The following MAGI2 variants were observed in gnomAD, a reference collection of about 807,000 sequenced individuals.
The protein encoded by MAGI2 is membrane-associated guanylate kinase, WW and PDZ domain-containing protein 2.
A neutral mutation model predicts 133.3 loss-of-function variants in MAGI2; 35 were observed. That is an observed-to-expected ratio of 0.26 (90% CI 0.20 to 0.35). The LOEUF is 0.35. Ranked by LOEUF, MAGI2 falls within the 10% of genes least tolerant of loss-of-function variation. The pLI is 1.00. For synonymous variants in MAGI2, 729 were observed against 710.6 expected, an observed-to-expected ratio of 1.03 and a Z score of -0.41; for missense variants, 1,636 against 1,863.4, an observed-to-expected ratio of 0.88 and a Z score of 2.25.
intron 2 of MAGI2, among the ~76,000 whole-genome samples, chr7:78,914,778 T>C (rs963374465): frequency 1.3e-5 from 2 of 152,092 alleles, no homozygotes; most frequent in Non-Finnish European, 2.9e-5. Context: ...AGTGTCTCAG[T>C]ATGGCAAAAA....
chr7:78,667,524 A>T (rs1412789930), intron 2 of MAGI2, among the ~76,000 whole-genome samples: 1 of 151,204 alleles, frequency 6.6e-6, no homozygotes, highest in Non-Finnish European at 1.5e-5. Flanking sequence ...ATATCTCCTA[A>T]TGCTATCCCT....
intron 1 of MAGI2, among the ~76,000 whole-genome samples, chr7:79,138,829 C>A (rs186093461): frequency 6.6e-6 from 1 of 152,078 alleles, no homozygotes; most frequent in African/African-American, 2.4e-5. Flanking sequence ...CATGGTGAAA[C>A]CCTGTCTCTA....
At chr7:78,567,068 CAT>C (rs761713732) in intron 3 of MAGI2, among the ~76,000 whole-genome samples, 21 of 152,152 alleles carry the variant, frequency 1.4e-4, no homozygotes, top group African/African-American at 4.1e-4. Context: ...TGAGAAAACA[CAT>C]AGTTTACAAA....
At chr7:78,784,674 A>T (rs1484680300) in intron 2 of MAGI2, among the ~76,000 whole-genome samples, 1 of 152,236 alleles carries the variant, frequency 6.6e-6, no homozygotes, top group Non-Finnish European at 1.5e-5. Flanking sequence ...TATTAGCGTT[A>T]GATCATACTC....
At chr7:78,567,822 T>G (rs913980933) in intron 3 of MAGI2, 1 of 152,256 alleles carries the variant, frequency 6.6e-6, no homozygotes, top group Non-Finnish European at 1.5e-5. Context: ...CTCTGCTTCC[T>G]CTATGGTAAA....
At chr7:78,988,947 C>T (rs1805511348) in intron 2 of MAGI2, among the ~76,000 whole-genome samples, 2 of 152,040 alleles carry the variant, frequency 1.3e-5, no homozygotes, top group South Asian at 4.1e-4. Flanking sequence ...CAACAACCCA[C>T]TTTCAAGATG....
intron 2 of MAGI2, among the ~76,000 whole-genome samples, chr7:78,712,843 A>C (rs1251216284): frequency 1.3e-5 from 2 of 152,174 alleles, no homozygotes; most frequent in Non-Finnish European, 2.9e-5. Flanking sequence ...CGAAGAATTT[A>C]AATCTTCCAT....
At chr7:79,162,879 G>A (rs1259072980) in intron 1 of MAGI2, among the ~76,000 whole-genome samples, 2 of 151,880 alleles carry the variant, frequency 1.3e-5, no homozygotes, top group East Asian at 1.9e-4. Flanking sequence ...TTTGACTTTT[G>A]GTTTTGTTCA....
chr7:79,149,382 A>T (rs1319002604), intron 1 of MAGI2, among the ~76,000 whole-genome samples: 2 of 151,644 alleles, frequency 1.3e-5, no homozygotes, highest in Non-Finnish European at 2.9e-5. Flanking sequence ...CTCTCATAAC[A>T]TGATTTTGGA....
At chr7:78,416,701 T>A (rs761799158) in intron 6 of MAGI2, among the ~76,000 whole-genome samples, 17 of 152,140 alleles carry the variant, frequency 1.1e-4, no homozygotes, top group Admixed American at 1.0e-3. Flanking sequence ...TGGGAAGTGA[T>A]TAAGTCATAA....
rs575441664 is a variant in MAGI2 at position 78,368,468 on chromosome 7, G to A, written c.1103+688C>T. On this transcript the variant is annotated intron_variant, in intron 7 of 21. Transcript: ENST00000354212. Reference sequence around the variant, plus strand: ...TTTAGGAACATTATACGATAGATAAGAATGAAAAACAATCGTCTGTTTGGA... The same window carrying A: ...TTTAGGAACATTATACGATAGATAAAAATGAAAAACAATCGTCTGTTTGGA... Among the ~76,000 whole-genome samples the A allele has an allele frequency of 4.6e-5, 7 of 152,192 alleles. No homozygotes were observed. In the East Asian group the frequency reaches 1.4e-3, roughly 29 times the overall value.
rs188561330 is a variant in MAGI2 at position 78,923,622 on chromosome 7, T to C, written c.418+83468A>G. 4.1e-4 allele frequency among the ~76,000 whole-genome samples: 62 copies of C among 152,286 alleles called. 1 individual carries two copies. The East Asian group carries it at 9.5e-3, about 23-fold the overall frequency. Reference sequence around the variant, plus strand: ...CCTTGTAGTATAGTTTGAAGTCAGGTAGCGTGATGCCTCTGGCTTTGTTCT... The same window carrying C: ...CCTTGTAGTATAGTTTGAAGTCAGGCAGCGTGATGCCTCTGGCTTTGTTCT... On this transcript the variant is annotated intron_variant, in intron 2 of 21. Coordinates refer to ENST00000354212, the MANE Select transcript of MAGI2 (RefSeq NM_012301.4).
At position 79,140,892 on chromosome 7, in the gene MAGI2, T is replaced by A. The variant is rs187311864; in HGVS notation, c.302-133686A>T. ...TTGTTTCCTTTATTGTTTTTGGCAA[T>A]AGCAACATTGTTAAGAATATTAAGT... is the stretch of plus-strand genomic sequence containing the variant. On this transcript the variant is annotated intron_variant, in intron 1 of 21. Coordinates refer to ENST00000354212, the MANE Select transcript of MAGI2 (RefSeq NM_012301.4). Among the ~76,000 whole-genome samples, 977 of 152,314 alleles carry A rather than the reference T, an allele frequency of 6.4e-3. 5 individuals carry two copies. The highest frequency in any genetic ancestry group is 9.0e-3 in the Non-Finnish European group (610 of 68,016).
rs1421329219 is a variant in MAGI2, at chr7:78,655,304, T to G, written c.419-28065A>C. Among the ~76,000 whole-genome samples the G allele has an allele frequency of 4.0e-5, 6 of 151,758 alleles. No homozygotes were observed. In the East Asian group the frequency reaches 1.2e-3, roughly 29 times the overall value. On this transcript the variant is annotated intron_variant, in intron 2 of 21. Transcript: ENST00000354212. The stretch of plus-strand genomic sequence containing the variant: ...TTTGTCACCTCCAATATGATCTACC[T>G]CAGCATGGAAGGGAATCCCCTGACC...
chr7:78,092,905 G>A (rs1011416235), intron 20 of MAGI2, among the ~76,000 whole-genome samples: 1 of 152,068 alleles, frequency 6.6e-6, no homozygotes. Flanking sequence ...GAAGTATTAG[G>A]TTGGTGCAAA....
intron 2 of MAGI2, among the ~76,000 whole-genome samples, chr7:78,869,040 A>G (rs984145232): frequency 6.6e-6 from 1 of 152,214 alleles, no homozygotes; most frequent in Non-Finnish European, 1.5e-5. Context: ...GGCGTGAGCC[A>G]CCATGCCCAG....
intron 2 of MAGI2, among the ~76,000 whole-genome samples, chr7:78,774,858 G>T (rs1432866075): frequency 6.6e-6 from 1 of 152,134 alleles, no homozygotes; most frequent in Non-Finnish European, 1.5e-5. Context: ...AATTGAATAT[G>T]AGGGTGTGGA....
chr7:79,410,318 T>C (rs1259347692), intron 1 of MAGI2: 1 of 152,168 alleles, frequency 6.6e-6, no homozygotes, highest in Non-Finnish European at 1.5e-5. Context: ...TCCGGGGCTA[T>C]GTTTGGCAGG....
At chr7:78,459,870 A>T (rs1446607824) in intron 6 of MAGI2, among the ~76,000 whole-genome samples, 1 of 152,236 alleles carries the variant, frequency 6.6e-6, no homozygotes, top group Non-Finnish European at 1.5e-5. Flanking sequence ...AAGTACCTCT[A>T]AACCAAATCA....
Sources: allele counts gnomAD v4.1 joint callset (sites outside exome capture counted in the v4.1 genomes callset), GRCh38; gene constraint gnomAD v4.1.1; transcripts MANE v1.5; gene names NCBI Gene and HGNC (gene_info 2026-07-23, HGNC 2026-07-21).